Variants in AHCYL2 observed in about 807,000 individuals in gnomAD.
The protein encoded by AHCYL2 is adenosylhomocysteinase like 2.
AHCYL2 carries 28 observed loss-of-function variants against 81.4 expected under a neutral mutation model. The ratio of observed to expected loss-of-function variants is 0.34; its 90% CI spans 0.25 to 0.47. The LOEUF (loss-of-function observed/expected upper bound fraction) is 0.47, where lower values mean the gene tolerates loss of function less well. Among genes scored for constraint, AHCYL2 ranks in the 20% least tolerant of loss-of-function variants. The probability of loss-of-function intolerance (pLI) is 1.00; values close to 1 mark genes in which losing one functional copy is unlikely to be tolerated. For missense variants in AHCYL2, 551 were observed against 785.1 expected (o/e 0.70, Z 3.56); for synonymous variants, 272 against 290.2 (o/e 0.94, Z 0.64).
At chr7:129,255,743 G>A (rs1007103273) in intron 1 of AHCYL2, among the ~76,000 whole-genome samples, 1 of 152,196 alleles carries the variant, frequency 6.6e-6, no homozygotes, top group African/African-American at 2.4e-5. Context: ...AGCACTTTGG[G>A]AGGCCGAGGT....
At chr7:129,268,114 A>G (rs551546771) in intron 1 of AHCYL2, among the ~76,000 whole-genome samples, 1 of 152,336 alleles carries the variant, frequency 6.6e-6, no homozygotes, top group East Asian at 1.9e-4. Context: ...TAAACTAGTA[A>G]TTAGTAATTT....
intron 1 of AHCYL2, among the ~76,000 whole-genome samples, chr7:129,364,884 TGTAGTCA>T (rs1290378696): frequency 6.6e-6 from 1 of 152,170 alleles, no homozygotes; most frequent in African/African-American, 2.4e-5. Context: ...GTCATATAGG[TGTAGTCA>T]GTAATATAAC....
intron 1 of AHCYL2, among the ~76,000 whole-genome samples, chr7:129,242,488 G>T (rs1415329051): frequency 2.6e-5 from 4 of 152,060 alleles, no homozygotes; most frequent in Non-Finnish European, 5.9e-5. Context: ...GAGGCCAAGG[G>T]GGGCGGATCA....
intron 1 of AHCYL2, among the ~76,000 whole-genome samples, chr7:129,251,816 G>A (rs889438078): frequency 7.2e-5 from 11 of 152,088 alleles, no homozygotes; most frequent in African/African-American, 1.7e-4. Context: ...GTTCAAATAC[G>A]TCCATTAATC....
chr7:129,318,383 C>T (rs910987141), intron 1 of AHCYL2, among the ~76,000 whole-genome samples: 6 of 152,316 alleles, frequency 3.9e-5, no homozygotes, highest in Admixed American at 3.3e-4. Context: ...GCATGTGCCA[C>T]TGTGCCCAGC....
intron 1 of AHCYL2, among the ~76,000 whole-genome samples, chr7:129,302,497 T>C (rs1584761704): frequency 6.6e-6 from 1 of 152,110 alleles, no homozygotes; most frequent in Non-Finnish European, 1.5e-5. Context: ...TGGCTGTGGG[T>C]TGTTGTATAT....
chr7:129,402,101 A>G (rs12706880), intron 6 of AHCYL2, among the ~76,000 whole-genome samples: 3,664 of 152,292 alleles, frequency 0.024, 72 homozygotes, highest in Admixed American at 0.057. Flanking sequence ...CAGTTGTTCA[A>G]TCTCTCTTGT....
chr7:129,293,940 C>T (rs1448228243), intron 1 of AHCYL2, among the ~76,000 whole-genome samples: 3 of 152,144 alleles, frequency 2.0e-5, no homozygotes, highest in Non-Finnish European at 2.9e-5. Context: ...ACTAATTTCA[C>T]AGTCAACGTG....
chr7:129,297,042 A>G (rs1324129095), intron 1 of AHCYL2, among the ~76,000 whole-genome samples: 1 of 152,196 alleles, frequency 6.6e-6, no homozygotes, highest in Non-Finnish European at 1.5e-5. Context: ...ACCTTTCTGA[A>G]GTGGGTAGCC....
intron 12 of AHCYL2, among the ~76,000 whole-genome samples, chr7:129,422,151 T>C (rs912237194): frequency 6.6e-6 from 1 of 152,234 alleles, no homozygotes; most frequent in African/African-American, 2.4e-5. Context: ...TTTCTCTGAA[T>C]ATACAATATA....
intron 1 of AHCYL2, among the ~76,000 whole-genome samples, chr7:129,329,159 C>A (rs540065332): frequency 6.6e-6 from 1 of 152,188 alleles, no homozygotes; most frequent in East Asian, 1.9e-4. Flanking sequence ...AGGATCTGGT[C>A]CTGGAACTGC....
chr7:129,420,862 A>G (rs1043823195), intron 12 of AHCYL2, among the ~76,000 whole-genome samples: 1 of 152,206 alleles, frequency 6.6e-6, no homozygotes, highest in Non-Finnish European at 1.5e-5. Flanking sequence ...TTTTAAAGTA[A>G]TACTTGCTTA....
At chr7:129,346,561 G>A (rs1433724517) in intron 1 of AHCYL2, among the ~76,000 whole-genome samples, 1 of 152,140 alleles carries the variant, frequency 6.6e-6, no homozygotes, top group African/African-American at 2.4e-5. Flanking sequence ...TTAGGGAAGT[G>A]CAAATTAAAA....
chr7:129,415,684 C>T (rs1302791648), intron 12 of AHCYL2, among the ~76,000 whole-genome samples: 2 of 151,822 alleles, frequency 1.3e-5, no homozygotes, highest in African/African-American at 4.8e-5. Flanking sequence ...TGTGTGGTGG[C>T]TCACACCTGT....
At chr7:129,330,797 A>G (rs2150802602) in intron 1 of AHCYL2, among the ~76,000 whole-genome samples, 1 of 152,296 alleles carries the variant, frequency 6.6e-6, no homozygotes, top group East Asian at 1.9e-4. Flanking sequence ...TTAATAAACC[A>G]CTTTTGTAGT....
intron 1 of AHCYL2, among the ~76,000 whole-genome samples, chr7:129,298,994 A>G (rs1375939298): frequency 6.6e-6 from 1 of 151,308 alleles, no homozygotes; most frequent in African/African-American, 2.5e-5. Context: ...TATTGTAGCG[A>G]AAAAAAGTAT....
At chr7:129,253,196 G>A (rs1444539927) in intron 1 of AHCYL2, among the ~76,000 whole-genome samples, 1 of 151,084 alleles carries the variant, frequency 6.6e-6, no homozygotes, top group African/African-American at 2.4e-5. Context: ...GACAGAGCAA[G>A]ACTCTGTTTC....
At chr7:129,367,859 A>G (rs965591066) in intron 1 of AHCYL2, among the ~76,000 whole-genome samples, 2 of 152,210 alleles carry the variant, frequency 1.3e-5, no homozygotes, top group Non-Finnish European at 1.5e-5. Flanking sequence ...CTCCCATGCA[A>G]TAAGACTCTA....
intron 1 of AHCYL2, among the ~76,000 whole-genome samples, chr7:129,344,278 T>C (rs1217602733): frequency 6.6e-6 from 1 of 152,208 alleles, no homozygotes; most frequent in Non-Finnish European, 1.5e-5. Flanking sequence ...ATTGTTCACA[T>C]GAAGACCTAT....
Sources: gnomAD v4.1 joint callset for allele counts (sites outside exome capture counted in the v4.1 genomes callset) on GRCh38, gnomAD v4.1.1 for gene constraint, MANE v1.5 for transcripts, NCBI Gene and HGNC (gene_info 2026-07-23, HGNC 2026-07-21) for gene names.